SRGAP1: variants seen among roughly 807,000 people sequenced by gnomAD.
SRGAP1 encodes SLIT-ROBO Rho GTPase-activating protein 1.
SRGAP1 carries 43 observed loss-of-function variants against 121.9 expected under a neutral mutation model. The observed-to-expected ratio is 0.35, with a 90% CI of 0.28 to 0.46. SRGAP1 has a LOEUF of 0.46. Among genes scored for constraint, SRGAP1 ranks in the 20% least tolerant of loss-of-function variants. SRGAP1 has a pLI of 1.00. For synonymous variants in SRGAP1, 447 were observed against 485.4 expected (o/e 0.92, Z 1.04); for missense variants, 1,102 against 1,350.9 (o/e 0.82, Z 2.89).
At position 64,143,431 on chromosome 12, in the gene SRGAP1, C is replaced by T. The variant is rs1350569418; in HGVS notation, c.*759C>T. 1 of 152,224 alleles carries T rather than the reference C, an allele frequency of 6.6e-6. No individual in the cohort carries two copies. The highest frequency in any genetic ancestry group is 2.4e-5 in the African/African-American group (1 of 41,454). 9.4% of individuals were successfully genotyped at this position (152,224 alleles called of 1,614,324 possible). On this transcript the variant is annotated 3_prime_UTR_variant, in exon 22 of 22. Coordinates refer to ENST00000355086, the MANE Select transcript of SRGAP1 (RefSeq NM_020762.4). ...AGATTTCCAAGTCCCCCCATCTACACTTACAAACGATTAGAAGGGTTTAAT... is the reference window on the plus strand; with the variant it reads ...AGATTTCCAAGTCCCCCCATCTACATTTACAAACGATTAGAAGGGTTTAAT...
At chr12:64,137,107 T>C (rs2036868041) in intron 21 of SRGAP1, among the ~76,000 whole-genome samples, 1 of 151,666 alleles carries the variant, frequency 6.6e-6, no homozygotes, top group Admixed American at 6.6e-5. Flanking sequence ...CTACAAAAAA[T>C]AAAAAAATTA....
intron 17 of SRGAP1, among the ~76,000 whole-genome samples, chr12:64,112,484 A>G (rs1384069111): frequency 6.6e-6 from 1 of 152,164 alleles, no homozygotes; most frequent in African/African-American, 2.4e-5. Flanking sequence ...ATTTTGAGCA[A>G]ATTTATTATA....
intron 1 of SRGAP1, among the ~76,000 whole-genome samples, chr12:63,934,021 C>T (rs1267892796): frequency 1.3e-5 from 2 of 152,150 alleles, no homozygotes; most frequent in Non-Finnish European, 2.9e-5. Flanking sequence ...AAAATAACCT[C>T]TATGCCAAAG....
intron 1 of SRGAP1, among the ~76,000 whole-genome samples, chr12:63,978,878 T>C (rs2033168693): frequency 6.6e-6 from 1 of 152,162 alleles, no homozygotes; most frequent in Non-Finnish European, 1.5e-5. Context: ...TTTAAATCTT[T>C]TTGATTATAG....
In SRGAP1 at chr12:64,079,002, G is replaced by T. The variant is rs1241454988; in HGVS notation, c.1209G>T (p.Gln403His). ...IEDYDVSECF[Q>H]HSRSTESVKS... ...ACTATGATGTTTCTGAATGCTTCCA[G>T]CACAGTCGTTCCACAGAATCAGTGA... The change falls in exon 9 of 22, where the codon CAG becomes CAT. Residue 403 changes from glutamine to histidine, a missense_variant. Physicochemically the swap from Gln to His is conservative, Grantham distance 24 (BLOSUM62 0). Coordinates refer to ENST00000355086, the MANE Select transcript of SRGAP1 (RefSeq NM_020762.4). 1 of 1,614,092 alleles carries T rather than the reference G, an allele frequency of 6.2e-7. No homozygotes were observed. The highest frequency in any genetic ancestry group is 1.6e-4 in the Middle Eastern group (1 of 6,062).
At chr12:63,862,558 A>G (rs1899491927) in intron 1 of SRGAP1, among the ~76,000 whole-genome samples, 1 of 152,220 alleles carries the variant, frequency 6.6e-6, no homozygotes, top group African/African-American at 2.4e-5. Context: ...AGATAGAACA[A>G]AGGTGTCTGC....
chr12:64,068,945 G>A (rs1407179126), intron 8 of SRGAP1, among the ~76,000 whole-genome samples: 1 of 151,438 alleles, frequency 6.6e-6, no homozygotes, highest in Non-Finnish European at 1.5e-5. Flanking sequence ...AGGAGGCGGA[G>A]GTTGCAGTGA....
At chr12:63,962,117 C>T (rs2032659247) in intron 1 of SRGAP1, among the ~76,000 whole-genome samples, 1 of 152,130 alleles carries the variant, frequency 6.6e-6, no homozygotes, top group African/African-American at 2.4e-5. Context: ...TGAGATTTTG[C>T]TGATGGTCAT....
rs1439857010 is a variant in SRGAP1, at chr12:64,127,988, G to T, written c.2668G>T (p.Ala890Ser). 1 of 1,614,164 alleles carries T rather than the reference G, an allele frequency of 6.2e-7. No homozygotes were observed. Among genetic ancestry groups the T allele is most frequent in the Non-Finnish European group, 8.5e-7 (1 of 1,180,026 alleles). Residue 890 changes from alanine (A) to serine (S), a missense_variant, in exon 21 of 22, where the codon GCC (alanine) becomes TCC (serine). This residue lies in a region of SRGAP1 where 315 missense variants were observed against 343.1 expected (regional missense o/e 0.92). Transcript: ENST00000355086. ...AGTTGACCTAGGGTCCCCAAGCCTTGCCAGTCACCCCCGGGGCCTGCTGCA... is the reference window on the plus strand; with the variant it reads ...AGTTGACCTAGGGTCCCCAAGCCTTTCCAGTCACCCCCGGGGCCTGCTGCA... ...SSVDLGSPSL[A>S]SHPRGLLQNR...
chr12:64,060,498 G>A (rs564595089), intron 6 of SRGAP1, among the ~76,000 whole-genome samples: 105 of 152,172 alleles, frequency 6.9e-4, no homozygotes, highest in African/African-American at 2.3e-3. Context: ...GTGAGCCACC[G>A]CGCCCAGCCA....
chr12:63,852,690 A>G (rs1592881872), intron 1 of SRGAP1, among the ~76,000 whole-genome samples: 1 of 152,214 alleles, frequency 6.6e-6, no homozygotes, highest in East Asian at 1.9e-4. Context: ...CAGTCAGTGG[A>G]TTTGACTTAC....
intron 1 of SRGAP1, among the ~76,000 whole-genome samples, chr12:63,973,907 A>G (rs1467847206): frequency 6.6e-6 from 1 of 152,212 alleles, no homozygotes. Flanking sequence ...AAATGCCTTG[A>G]ACCTTTGTCA....
intron 1 of SRGAP1, among the ~76,000 whole-genome samples, chr12:63,903,664 T>G (rs768378889): frequency 6.6e-6 from 1 of 151,890 alleles, no homozygotes; most frequent in Non-Finnish European, 1.5e-5. Context: ...AGACAGAGTC[T>G]CACTCTGTTG....
At chr12:63,864,720 G>T (rs758075717) in intron 1 of SRGAP1, among the ~76,000 whole-genome samples, 11 of 152,118 alleles carry the variant, frequency 7.2e-5, no homozygotes, top group Non-Finnish European at 1.5e-4. Context: ...AAAAGACTTA[G>T]TAGCCAAGAG....
At chr12:63,876,484 A>G (rs1158728214) in intron 1 of SRGAP1, among the ~76,000 whole-genome samples, 1 of 152,198 alleles carries the variant, frequency 6.6e-6, no homozygotes, top group Non-Finnish European at 1.5e-5. Flanking sequence ...TATTTATGAC[A>G]ATGGAAATAT....
chr12:64,016,874 T>G, intron 3 of SRGAP1, 76 bp from the exon 4 acceptor site: 7 of 783,894 alleles, frequency 8.9e-6, no homozygotes, highest in Non-Finnish European at 1.4e-5. Context: ...GTTAGATACA[T>G]TCCTCTATTT....
At chr12:63,915,979 A>G (rs1237955086) in intron 1 of SRGAP1, among the ~76,000 whole-genome samples, 1 of 151,496 alleles carries the variant, frequency 6.6e-6, no homozygotes, top group African/African-American at 2.4e-5. Flanking sequence ...GCAAGTTTAA[A>G]TTCTAGGGCT....
chr12:64,142,846 G>T lies in SRGAP1; in HGVS notation c.*174G>T. ...ACTAGCTAAATTAACACGGGCATTT[G>T]TATTTTGTAATTTTTTTAAATAACT... is the stretch of plus-strand genomic sequence containing the variant. On this transcript the variant is annotated 3_prime_UTR_variant, in exon 22 of 22. Coordinates refer to ENST00000355086, the MANE Select transcript of SRGAP1 (RefSeq NM_020762.4). The T allele has an allele frequency of 1.2e-6, 1 of 864,562 alleles. No homozygotes were observed. Among genetic ancestry groups the T allele is most frequent in the Non-Finnish European group, 1.7e-6 (1 of 574,648 alleles). 53.6% of individuals were successfully genotyped at this position (864,562 alleles called of 1,614,324 possible).
At chr12:64,126,340 G>A (rs962574709) in intron 19 of SRGAP1, among the ~76,000 whole-genome samples, 183 bp downstream of exon 19, 2 of 152,190 alleles carry the variant, frequency 1.3e-5, no homozygotes, top group African/African-American at 4.8e-5. Flanking sequence ...GGGCCCAGGA[G>A]GTTTGGAACA....
Sources: gnomAD v4.1 joint callset for allele counts (sites outside exome capture counted in the v4.1 genomes callset) on GRCh38, gnomAD v4.1.1 for gene constraint, gnomAD v4.1.1 regional missense constraint, MANE v1.5 for transcripts, NCBI Gene and HGNC (gene_info 2026-07-23, HGNC 2026-07-21) for gene names.